The following ATP13A4 variants were observed in gnomAD, a reference collection of about 807,000 sequenced individuals.
The protein encoded by ATP13A4 is ATPase 13A4.
Under a neutral mutation model 142.5 loss-of-function variants are expected in ATP13A4, and 114 were observed. The observed-to-expected ratio is 0.80, with a 90% CI of 0.69 to 0.93. ATP13A4 has a LOEUF of 0.93. Ranked by LOEUF, ATP13A4 falls within the 40% of genes least tolerant of loss-of-function variation. The probability of loss-of-function intolerance (pLI) is 0.00; values close to 1 mark genes in which losing one functional copy is unlikely to be tolerated. For synonymous variants in ATP13A4, 488 were observed against 514.8 expected (o/e 0.95, Z 0.70); for missense variants, 1,392 against 1,454.0 (o/e 0.96, Z 0.69).
At chr3:193,433,988 A>G (rs1576956190) in intron 24 of ATP13A4, 71 bp from the exon 25 acceptor site, 1 of 1,215,966 alleles carries the variant, frequency 8.2e-7, no homozygotes, top group African/African-American at 1.5e-5. Context: ...GATTACATTT[A>G]TTTTCTCACT....
rs372924912 is a variant in ATP13A4, at chr3:193,592,491, T to TA, written n.91+529dup. 5.0e-3 allele frequency among the ~76,000 whole-genome samples: 767 copies of TA among 152,304 alleles called. 5 individuals are homozygous for TA. The highest frequency in any genetic ancestry group is 0.018 in the African/African-American group (728 of 41,550). On this transcript the variant is annotated intron_variant and non_coding_transcript_variant, in intron 1 of 3. Transcript: ENST00000489140. ...AAGTAGTTGAAGGAGTGCTCAGCACTAGGCATCTGAACTGAATGCTGTGGC... is the reference window on the plus strand; with the variant it reads ...AAGTAGTTGAAGGAGTGCTCAGCACTAAGGCATCTGAACTGAATGCTGTGGC...
At position 193,489,846 on chromosome 3, in the gene ATP13A4, T is replaced by A; in HGVS notation, c.622A>T (p.Ile208Leu). ...LIKEVLNPFY[I>L]FQLFSVCLWF... ...AAACAGACACTGAAGAGTTGAAATA[T>A]ATAAAATGGATTTAGAACCTGTTGG... Residue 208 changes from isoleucine to leucine, a missense_variant, in exon 7 of 30, where the codon ATA becomes TTA. Physicochemically the swap from Ile to Leu is conservative, Grantham distance 5. Coordinates refer to ENST00000342695, the MANE Select transcript of ATP13A4 (RefSeq NM_032279.4). The A allele has an allele frequency of 6.2e-7, 1 of 1,613,154 alleles. No homozygotes were observed. Among genetic ancestry groups the A allele is most frequent in the Non-Finnish European group, 8.5e-7 (1 of 1,179,286 alleles).
At chr3:193,571,228 G>A (rs1724257289) in intron 2 of ATP13A4, among the ~76,000 whole-genome samples, 2 of 143,472 alleles carry the variant, frequency 1.4e-5, no homozygotes, top group African/African-American at 5.5e-5. Flanking sequence ...CCAGTGAGCC[G>A]AGATTGCGTT....
intron 9 of ATP13A4, 28 bp from the exon 10 acceptor site, chr3:193,467,514 G>A: frequency 6.2e-7 from 1 of 1,607,752 alleles, no homozygotes; most frequent in East Asian, 2.2e-5. Context: ...CTTGTTTTGT[G>A]AGGCAGGATG....
At chr3:193,583,587 G>A (rs1448739119) in intron 1 of ATP13A4, among the ~76,000 whole-genome samples, 2 of 151,994 alleles carry the variant, frequency 1.3e-5, no homozygotes, top group East Asian at 3.8e-4. Flanking sequence ...TACTATGCAT[G>A]TAATCATAAT....
At position 193,412,033 on chromosome 3, in the gene ATP13A4, T is replaced by C. The variant is rs535471775; in HGVS notation, c.3208+145A>G. On this transcript the variant is annotated intron_variant, in intron 27 of 29. Coordinates refer to ENST00000342695, the MANE Select transcript of ATP13A4 (RefSeq NM_032279.4). ...GCAAAGAACCGTGAAAATGAGGCTG[T>C]ACGATGTGTTTTGCAGAGTCCTAGA... 1.7e-5 allele frequency: 12 copies of C among 717,658 alleles called. No individual in the cohort carries two copies. The East Asian group carries it at 2.7e-4, about 16-fold the overall frequency. 44.5% of individuals were successfully genotyped at this position (717,658 alleles called of 1,614,324 possible). A position where few individuals can be genotyped will look rare whatever the true frequency, so the allele number is the denominator to read the frequency against.
intron 12 of ATP13A4, 53 bp from the exon 13 acceptor site, chr3:193,462,876 G>A (rs1408005446): frequency 1.9e-6 from 3 of 1,567,054 alleles, no homozygotes; most frequent in Non-Finnish European, 1.8e-6. Context: ...AAGGAGCGGT[G>A]GCTCATGCCT....
At chr3:193,488,973 G>C (rs1402395764) in intron 7 of ATP13A4, among the ~76,000 whole-genome samples, 1 of 152,140 alleles carries the variant, frequency 6.6e-6, no homozygotes, top group African/African-American at 2.4e-5. Flanking sequence ...AGGGAAGGAG[G>C]GGGCTGCGGA....
intron 1 of ATP13A4, among the ~76,000 whole-genome samples, chr3:193,530,738 G>T (rs942445537): frequency 2.6e-5 from 4 of 152,050 alleles, no homozygotes; most frequent in African/African-American, 4.8e-5. Flanking sequence ...TTTGCCTGAG[G>T]GGTTTCTCAG....
rs1163649492 is a variant in ATP13A4, at chr3:193,441,540, C to T, written c.2365G>A (p.Gly789Arg). The change falls in exon 20 of 30, where the codon GGA becomes AGA. Residue 789 changes from glycine to arginine, a missense_variant. By Grantham distance (125) the Gly-to-Arg change is moderately radical. Coordinates refer to ENST00000342695, the MANE Select transcript of ATP13A4 (RefSeq NM_032279.4). ...RDEVSDKGRE[G>R]SYHFALTGKS... Reference sequence around the variant, plus strand: ...CCAGTTAGGGCAAAATGGTAACTTCCTTCTCTGCCTTTATCAGAGACTTCA... The same window carrying T: ...CCAGTTAGGGCAAAATGGTAACTTCTTTCTCTGCCTTTATCAGAGACTTCA... 2.5e-6 allele frequency: 4 copies of T among 1,613,184 alleles called. No homozygotes were observed. The highest frequency in any genetic ancestry group is 2.5e-6 in the Non-Finnish European group (3 of 1,179,346).
chr3:193,509,537 T>C (rs1721034670), intron 2 of ATP13A4, among the ~76,000 whole-genome samples: 1 of 152,238 alleles, frequency 6.6e-6, no homozygotes, highest in African/African-American at 2.4e-5. Context: ...TCCTCATCTG[T>C]AAAATGGAGA....
At chr3:193,448,804 TGAAGAG>T (rs1041679402) in intron 17 of ATP13A4, among the ~76,000 whole-genome samples, 1 of 152,144 alleles carries the variant, frequency 6.6e-6, no homozygotes, top group African/African-American at 2.4e-5. Flanking sequence ...TCTAACTGAA[TGAAGAG>T]GAAGAGGAAG....
intron 8 of ATP13A4, among the ~76,000 whole-genome samples, chr3:193,481,003 T>C (rs749112364): frequency 5.9e-5 from 9 of 152,206 alleles, no homozygotes; most frequent in Non-Finnish European, 1.3e-4. Context: ...AGACTATTAT[T>C]CTAAGCGAAG....
At chr3:193,574,287 A>G (rs1038067555) in intron 2 of ATP13A4, among the ~76,000 whole-genome samples, 2 of 152,260 alleles carry the variant, frequency 1.3e-5, no homozygotes, top group African/African-American at 4.8e-5. Flanking sequence ...TGTTGGCCAC[A>G]TCTCAAGCTC....
At chr3:193,580,281 G>C (rs932751503) in intron 2 of ATP13A4, among the ~76,000 whole-genome samples, 2 of 152,122 alleles carry the variant, frequency 1.3e-5, no homozygotes, top group East Asian at 3.9e-4. Flanking sequence ...TCCAAACTGG[G>C]AGACAGTAAG....
intron 15 of ATP13A4, 62 bp downstream of exon 15, chr3:193,457,317 G>A (rs1194306317): frequency 6.3e-7 from 1 of 1,595,236 alleles, no homozygotes; most frequent in African/African-American, 1.3e-5. Flanking sequence ...TCAAAAACTG[G>A]GGGCCAGAAG....
Position 193,407,322 on chromosome 3 carries a change from A to G in ATP13A4, c.3369T>C (p.Leu1123=). The change falls in exon 29 of 30, where the codon CTT becomes CTC. Residue 1123 remains leucine (L), a synonymous_variant. Coordinates refer to ENST00000342695, the MANE Select transcript of ATP13A4 (RefSeq NM_032279.4). The part of the protein sequence containing the change: ...IMLSLNFIVS[L]VAEEAVIENR... ...AGATCAGCACACTTACCTCGGCCACAAGGGACACAATGAAATTCAAGCTGA... is the reference window on the plus strand; with the variant it reads ...AGATCAGCACACTTACCTCGGCCACGAGGGACACAATGAAATTCAAGCTGA... The G allele has an allele frequency of 6.2e-7, 1 of 1,611,998 alleles. No individual in the cohort carries two copies. The highest frequency in any genetic ancestry group is 2.2e-5 in the East Asian group (1 of 44,840).
chr3:193,405,397 T>A (rs1378100160), intron 29 of ATP13A4, among the ~76,000 whole-genome samples: 1 of 152,176 alleles, frequency 6.6e-6, no homozygotes, highest in Non-Finnish European at 1.5e-5. Flanking sequence ...GAGACACAAG[T>A]GTAATCGATA....
intron 25 of ATP13A4, among the ~76,000 whole-genome samples, chr3:193,431,866 C>A (rs1040735150): frequency 1.3e-5 from 2 of 151,792 alleles, no homozygotes; most frequent in Non-Finnish European, 2.9e-5. Context: ...TATACCACTG[C>A]CTCCTACTGA....
Sources: allele counts gnomAD v4.1 joint callset (sites outside exome capture counted in the v4.1 genomes callset), GRCh38; gene constraint gnomAD v4.1.1; transcripts MANE v1.5; gene names NCBI Gene and HGNC (gene_info 2026-07-23, HGNC 2026-07-21).